The following TNR variants were observed in gnomAD, a reference collection of about 807,000 sequenced individuals.
The protein encoded by TNR is tenascin-R.
Under a neutral mutation model 150.4 loss-of-function variants are expected in TNR, and 45 were observed. The observed-to-expected ratio is 0.30, with a 90% CI of 0.24 to 0.38. TNR has a LOEUF of 0.38. Ranked by LOEUF, TNR falls within the 10% of genes least tolerant of loss-of-function variation. TNR has a pLI of 1.00. For missense variants in TNR, 1,544 were observed against 1,759.1 expected (o/e 0.88, Z 2.19); for synonymous variants, 687 against 678.4 (o/e 1.01, Z -0.20).
intron 4 of TNR, among the ~76,000 whole-genome samples, chr1:175,400,926 C>G (rs1653678056): frequency 6.6e-6 from 1 of 152,212 alleles, no homozygotes; most frequent in Non-Finnish European, 1.5e-5. Flanking sequence ...AAAAGCAGGC[C>G]TTAAGAGCAG....
At chr1:175,550,967 C>T (rs1452890945) in intron 1 of TNR, among the ~76,000 whole-genome samples, 5 of 152,046 alleles carry the variant, frequency 3.3e-5, no homozygotes, top group Admixed American at 6.6e-5. Flanking sequence ...GAAAATAGCA[C>T]ACAAAGATAG....
chr1:175,477,808 G>A (rs1247656049), intron 2 of TNR, among the ~76,000 whole-genome samples: 3 of 152,340 alleles, frequency 2.0e-5, no homozygotes, highest in South Asian at 2.1e-4. Flanking sequence ...GGAAGAAAGC[G>A]TTACAGGTTC....
chr1:175,505,771 T>G (rs902979308), intron 2 of TNR, among the ~76,000 whole-genome samples: 1 of 152,372 alleles, frequency 6.6e-6, no homozygotes, highest in East Asian at 1.9e-4. Flanking sequence ...CCGGACATGG[T>G]GGCTCACCTG....
At chr1:175,536,243 T>C (rs1451024229) in intron 1 of TNR, among the ~76,000 whole-genome samples, 5 of 152,224 alleles carry the variant, frequency 3.3e-5, no homozygotes, top group Non-Finnish European at 2.9e-5. Context: ...TGTGCTTCAC[T>C]AGGCTGGTTG....
At chr1:175,578,204 G>A (rs144558809) in intron 1 of TNR, among the ~76,000 whole-genome samples, 99 of 152,246 alleles carry the variant, frequency 6.5e-4, no homozygotes, top group African/African-American at 2.4e-3. Context: ...ACGTGGGTGT[G>A]AGGTGGAGCG....
At position 175,671,099 on chromosome 1, in the gene TNR, G is replaced by A. The variant is rs565533235; in HGVS notation, c.-165+72127C>T. Among the ~76,000 whole-genome samples the A allele has an allele frequency of 5.9e-5, 9 of 152,278 alleles. No homozygotes were observed. In the East Asian group the frequency reaches 1.7e-3, roughly 29 times the overall value. ...GAGGGAGGAAGAACATCGTGAGTGG[G>A]TACTGAACACCCGTAGGGGTATCTA... is the stretch of plus-strand genomic sequence containing the variant. On this transcript the variant is annotated intron_variant, in intron 1 of 22. Transcript: ENST00000367674.
intron 2 of TNR, among the ~76,000 whole-genome samples, chr1:175,474,970 T>A (rs1450324176): frequency 1.3e-5 from 2 of 152,208 alleles, no homozygotes; most frequent in Non-Finnish European, 2.9e-5. Context: ...GTGCTTAGAA[T>A]AATGCCAGGC....
intron 1 of TNR, among the ~76,000 whole-genome samples, chr1:175,725,320 C>A (rs921230699): frequency 3.3e-5 from 5 of 152,174 alleles, no homozygotes; most frequent in Admixed American, 6.5e-5. Context: ...TATAAGTGAA[C>A]CTTCCCATAG....
At chr1:175,419,049 T>G (rs1405654072) in intron 2 of TNR, among the ~76,000 whole-genome samples, 1 of 152,306 alleles carries the variant, frequency 6.6e-6, no homozygotes, top group Middle Eastern at 3.4e-3. Flanking sequence ...TTGCAGTTAT[T>G]TAGTCAGTAA....
intron 1 of TNR, among the ~76,000 whole-genome samples, chr1:175,683,214 C>A (rs540724920): frequency 7.1e-4 from 108 of 152,304 alleles, no homozygotes; most frequent in African/African-American, 2.5e-3. Context: ...TGCACACACA[C>A]ACAACACACA....
intron 1 of TNR, among the ~76,000 whole-genome samples, chr1:175,633,464 G>A (rs1231404599): frequency 6.6e-6 from 1 of 152,120 alleles, no homozygotes; most frequent in Non-Finnish European, 1.5e-5. Context: ...TGGGACAAGA[G>A]GTTTTGGTGA....
intron 1 of TNR, among the ~76,000 whole-genome samples, chr1:175,642,717 A>C (rs111743796): frequency 6.6e-6 from 1 of 152,284 alleles, no homozygotes; most frequent in African/African-American, 2.4e-5. Context: ...GGATCACTTG[A>C]GGCCAGGGGT....
Position 175,406,247 on chromosome 1 carries a change from G to A in TNR, c.468C>T (p.Asn156=), listed in dbSNP as rs765569785. 3.9e-5 allele frequency: 63 copies of A among 1,613,984 alleles called. 1 individual carries two copies. In the South Asian group the frequency reaches 4.5e-4, roughly 12 times the overall value. Residue 156 remains asparagine (N), a synonymous_variant, in exon 3 of 23, where the codon AAC becomes AAT. Coordinates refer to ENST00000367674, the MANE Select transcript of TNR (RefSeq NM_003285.3). ...REVSVLRDQC[N]ANCCQESAAT... The stretch of plus-strand genomic sequence containing the variant: ...CAGCACTTTCTTGGCAGCAGTTGGC[G>A]TTGCACTGGTCTCGCAGCACCGACA...
intron 7 of TNR, among the ~76,000 whole-genome samples, chr1:175,386,558 C>A (rs1652943415): frequency 6.6e-6 from 1 of 152,140 alleles, no homozygotes; most frequent in African/African-American, 2.4e-5. Flanking sequence ...ATGGCACTTC[C>A]CAGTCTGGGC....
chr1:175,675,227 C>T (rs1665824071), intron 1 of TNR, among the ~76,000 whole-genome samples: 1 of 152,202 alleles, frequency 6.6e-6, no homozygotes, highest in African/African-American at 2.4e-5. Context: ...GTTAGCAATG[C>T]CTGAATGAAC....
intron 9 of TNR, among the ~76,000 whole-genome samples, chr1:175,376,895 A>G (rs1191564620): frequency 7.4e-6 from 1 of 134,404 alleles, no homozygotes; most frequent in Non-Finnish European, 1.6e-5. Flanking sequence ...TATATTTGAA[A>G]TGTTTTAAAT....
intron 10 of TNR, among the ~76,000 whole-genome samples, chr1:175,366,358 G>T (rs1370447112): frequency 1.3e-5 from 2 of 152,212 alleles, no homozygotes; most frequent in Non-Finnish European, 2.9e-5. Context: ...GCCGTGATGA[G>T]CTCTGATACC....
At chr1:175,631,803 T>C (rs1305414472) in intron 1 of TNR, among the ~76,000 whole-genome samples, 1 of 152,228 alleles carries the variant, frequency 6.6e-6, no homozygotes, top group Non-Finnish European at 1.5e-5. Flanking sequence ...ACATTGGTTT[T>C]CTCAGTCAAG....
chr1:175,499,548 ACT>A (rs1379845110), intron 2 of TNR, among the ~76,000 whole-genome samples: 8 of 151,894 alleles, frequency 5.3e-5, no homozygotes, highest in African/African-American at 1.9e-4. Context: ...GAACAATCAG[ACT>A]CTGCACCCTA....
Sources: allele counts gnomAD v4.1 joint callset (sites outside exome capture counted in the v4.1 genomes callset), GRCh38; gene constraint gnomAD v4.1.1; transcripts MANE v1.5; gene names NCBI Gene and HGNC (gene_info 2026-07-23, HGNC 2026-07-21).